The following PTK2B variants were observed in gnomAD, a reference collection of about 807,000 sequenced individuals.
The protein encoded by PTK2B is protein-tyrosine kinase 2-beta.
In PTK2B, 71 loss-of-function variants were observed where a neutral mutation model predicts 142.9. That is an observed-to-expected ratio of 0.50 (90% CI 0.41 to 0.61). The LOEUF (loss-of-function observed/expected upper bound fraction) is 0.61. Ranked by LOEUF, PTK2B falls within the 20% of genes least tolerant of loss-of-function variation. The probability of loss-of-function intolerance (pLI) is 0.00; values close to 1 mark genes in which losing one functional copy is unlikely to be tolerated. For synonymous variants in PTK2B, 519 were observed against 503.4 expected, an observed-to-expected ratio of 1.03 and a Z score of -0.42; for missense variants, 1,105 against 1,320.4, an observed-to-expected ratio of 0.84 and a Z score of 2.53.
intron 1 of PTK2B, among the ~76,000 whole-genome samples, chr8:27,335,306 T>G (rs1438624182): frequency 5.3e-5 from 8 of 152,150 alleles, no homozygotes; most frequent in Admixed American, 5.2e-4. Flanking sequence ...GAAAAATGCT[T>G]TCAGGGCCAA....
At chr8:27,417,855 C>G (rs142674558) in intron 2 of PTK2B, among the ~76,000 whole-genome samples, 6 of 152,180 alleles carry the variant, frequency 3.9e-5, no homozygotes, top group Middle Eastern at 3.4e-3. Flanking sequence ...TTCAAAAGCA[C>G]CAGTGGTGGG....
rs1324224388 is a variant in PTK2B at position 27,397,555 on chromosome 8, A to G, written c.-30A>G. 2.5e-6 allele frequency: 4 copies of G among 1,609,010 alleles called. No individual in the cohort carries two copies. Among genetic ancestry groups the G allele is most frequent in the African/African-American group, 1.3e-5 (1 of 74,802 alleles). On this transcript the variant is annotated 5_prime_UTR_variant, in exon 2 of 31. The change abolishes an upstream ATG in the 5' untranslated region. Coordinates refer to ENST00000346049, the MANE Select transcript of PTK2B (RefSeq NM_173176.3). ...CCTCTGCTGTCTCTGCAGGACTGCA[A>G]TGTGCCGATCTTAGCTGCTGCCTGA...
At position 27,390,232 on chromosome 8, in the gene PTK2B, G is replaced by A. The variant is rs562798547; in HGVS notation, c.-37-7316G>A. On this transcript the variant is annotated intron_variant, in intron 1 of 30. Transcript: ENST00000346049. ...GAGGTGGGGCAGGTGCATGGAGGAA[G>A]GCAGGGCTGGGTGAAAAGGCAGCCT... Among the ~76,000 whole-genome samples, 4 of 152,300 alleles carry A rather than the reference G, an allele frequency of 2.6e-5. No individual in the cohort carries two copies. The South Asian group carries it at 8.3e-4, about 32-fold the overall frequency.
chr8:27,375,303 C>T (rs981813931), intron 1 of PTK2B, among the ~76,000 whole-genome samples: 2 of 152,176 alleles, frequency 1.3e-5, no homozygotes, highest in Admixed American at 1.3e-4. Context: ...GAACTCAGAG[C>T]CTAAGGTCTT....
At chr8:27,457,289 G>C (rs865908926) in intron 30 of PTK2B, among the ~76,000 whole-genome samples, 30 of 152,264 alleles carry the variant, frequency 2.0e-4, no homozygotes, top group Middle Eastern at 6.8e-3. Context: ...TTAGGAATTA[G>C]GCTAAATCTA....
At chr8:27,424,046 C>CAA (rs1228625905) in intron 5 of PTK2B, among the ~76,000 whole-genome samples, 2 of 152,176 alleles carry the variant, frequency 1.3e-5, no homozygotes, top group African/African-American at 4.8e-5. Flanking sequence ...CATCCCTTCT[C>CAA]AGACTGCTCG....
chr8:27,317,767 G>A (rs73241444), intron 3 of PTK2B, among the ~76,000 whole-genome samples: 1 of 151,970 alleles, frequency 6.6e-6, no homozygotes, highest in South Asian at 2.1e-4. Flanking sequence ...TTCCCTGCTC[G>A]GCCCCTGTAG....
chr8:27,311,376 T>G, upstream of PTK2B: 2 of 1,100,680 alleles, frequency 1.8e-6, no homozygotes, highest in Non-Finnish European at 2.5e-6. Flanking sequence ...CGCTGGCCAA[T>G]CGTGCGGGGG....
chr8:27,412,021 G>C (rs1444786017), intron 2 of PTK2B, among the ~76,000 whole-genome samples: 1 of 152,226 alleles, frequency 6.6e-6, no homozygotes, highest in Non-Finnish European at 1.5e-5. Context: ...GGACAGGTCT[G>C]AGGGACCCCA....
At chr8:27,362,247 C>G (rs1730771320) in intron 1 of PTK2B, among the ~76,000 whole-genome samples, 1 of 152,198 alleles carries the variant, frequency 6.6e-6, no homozygotes, top group African/African-American at 2.4e-5. Flanking sequence ...GGGGCCTCCC[C>G]TTCTCTCTCC....
At chr8:27,457,273 G>A (rs1161560969) in intron 30 of PTK2B, among the ~76,000 whole-genome samples, 2 of 152,158 alleles carry the variant, frequency 1.3e-5, no homozygotes, top group East Asian at 3.9e-4. Context: ...GAAAATTTTA[G>A]GGCCCTTAGG....
intron 2 of PTK2B, among the ~76,000 whole-genome samples, chr8:27,402,067 C>A (rs1024171643): frequency 3.3e-5 from 5 of 152,106 alleles, no homozygotes; most frequent in African/African-American, 1.2e-4. Flanking sequence ...GGAAACTAAG[C>A]ACAGAGAATT....
At chr8:27,326,008 G>A (rs1265111562) in intron 1 of PTK2B, among the ~76,000 whole-genome samples, 1 of 152,092 alleles carries the variant, frequency 6.6e-6, no homozygotes, top group East Asian at 1.9e-4. Context: ...CCAGGCTGCT[G>A]CCTCTAAAGC....
rs79974089 is a variant in PTK2B, at chr8:27,428,444, C to T, written c.552-1649C>T. ...TAGCAAGAACATCCCATCTCAGGCA[C>T]CATTGCTTACCTCCCTCTGTCAGAC... On this transcript the variant is annotated intron_variant, in intron 5 of 30. Coordinates refer to ENST00000346049, the MANE Select transcript of PTK2B (RefSeq NM_173176.3). Among the ~76,000 whole-genome samples the T allele has an allele frequency of 7.7e-4, 117 of 152,340 alleles. 1 individual carries two copies. In the East Asian group the frequency reaches 0.019, roughly 25 times the overall value.
At position 27,433,478 on chromosome 8, in the gene PTK2B, T is replaced by C; in HGVS notation, c.1031T>C (p.Met344Thr). 6.2e-7 allele frequency: 1 copy of C among 1,614,224 alleles called. No homozygotes were observed. Among genetic ancestry groups the C allele is most frequent in the South Asian group, 1.1e-5 (1 of 91,084 alleles). ...KTSSLAEAEN[M>T]ADLIDGYCRL... is the part of the protein sequence containing the mutation. ...TCATCCCTAGCAGAGGCTGAGAACA[T>C]GGCTGACCTCATAGACGGCTACTGC... Residue 344 changes from methionine (M) to threonine (T), a missense_variant, in exon 11 of 31, where the codon ATG (methionine) becomes ACG (threonine). By Grantham distance (81) the Met-to-Thr change is moderately conservative. Coordinates refer to ENST00000346049, the MANE Select transcript of PTK2B (RefSeq NM_173176.3).
chr8:27,340,916 G>C (rs946117852), intron 1 of PTK2B, among the ~76,000 whole-genome samples: 2 of 152,252 alleles, frequency 1.3e-5, no homozygotes, highest in Non-Finnish European at 2.9e-5. Context: ...GGGGAGGGGG[G>C]CAGACAGAAC....
intron 2 of PTK2B, among the ~76,000 whole-genome samples, chr8:27,413,240 C>T (rs1165674057): frequency 2.6e-5 from 4 of 152,192 alleles, no homozygotes; most frequent in South Asian, 2.1e-4. Context: ...GCCCCATCAC[C>T]GGAATGCTCC....
At chr8:27,311,287 C>A, upstream of PTK2B, 2 of 1,449,704 alleles carry the variant, frequency 1.4e-6, no homozygotes, top group South Asian at 2.9e-5. Flanking sequence ...GCCCCTCCCA[C>A]CCGCCCGGCT....
chr8:27,416,710 A>G (rs1237006744), intron 2 of PTK2B, among the ~76,000 whole-genome samples: 1 of 152,224 alleles, frequency 6.6e-6, no homozygotes, highest in Admixed American at 6.5e-5. Context: ...CATAAAATAC[A>G]TCATACAAAA....
Sources: gnomAD v4.1 joint callset for allele counts (sites outside exome capture counted in the v4.1 genomes callset) on GRCh38, gnomAD v4.1.1 for gene constraint, MANE v1.5 for transcripts, NCBI Gene and HGNC (gene_info 2026-07-23, HGNC 2026-07-21) for gene names.